CENPF: variants seen among roughly 807,000 people sequenced by gnomAD.
CENPF encodes centromere protein F, also known as AH antigen.
A neutral mutation model predicts 307.3 loss-of-function variants in CENPF; 214 were observed. The observed-to-expected ratio is 0.70, with a 90% CI of 0.62 to 0.78. The LOEUF (loss-of-function observed/expected upper bound fraction) is 0.78. Among genes scored for constraint, CENPF ranks in the 30% least tolerant of loss-of-function variants. The pLI is 0.00. For synonymous variants in CENPF, 1,259 were observed against 1,270.6 expected (o/e 0.99, Z 0.19); for missense variants, 3,401 against 3,483.9 (o/e 0.98, Z 0.60).
chr1:214,622,342 A>G, intron 7 of CENPF, 61 bp downstream of exon 7: 1 of 1,328,632 alleles, frequency 7.5e-7, no homozygotes, highest in Non-Finnish European at 1.1e-6. Flanking sequence ...TTATTTAGAA[A>G]GAGTATTTTA....
rs1658738652 is a variant in CENPF, at chr1:214,659,502, T to C, written c.9141+474T>C. Among the ~76,000 whole-genome samples, 1 of 152,052 alleles carries C rather than the reference T, an allele frequency of 6.6e-6. No homozygotes were observed. Among genetic ancestry groups the C allele is most frequent in the South Asian group, 2.1e-4 (1 of 4,818 alleles). On this transcript the variant is annotated intron_variant, in intron 19 of 19. Transcript: ENST00000366955. The surrounding 1 kb of genome is among the most constrained non-coding windows in gnomAD (Gnocchi z 4.4). ...TATCTAAGGAAAGGAACTCTGTTTA[T>C]AGATCTCTCTATTTTGATTGTTGAG...
At chr1:214,616,625 T>G (rs1657344563) in intron 3 of CENPF, among the ~76,000 whole-genome samples, 1 of 152,228 alleles carries the variant, frequency 6.6e-6, no homozygotes. Flanking sequence ...TTTTACTTAT[T>G]TCTCGGTGCT....
intron 11 of CENPF, 60 bp downstream of exon 11, chr1:214,638,061 T>A: frequency 6.8e-7 from 1 of 1,481,180 alleles, no homozygotes; most frequent in South Asian, 1.3e-5. Context: ...TGAGAGGGGA[T>A]GGATGGCATT....
intron 16 of CENPF, chr1:214,653,719 G>A (rs179813): frequency 0.44 from 66,793 of 151,904 alleles, 15,567 homozygotes; most frequent in East Asian, 0.84. Flanking sequence ...CAGAAAATTA[G>A]GTACAAATTT....
chr1:214,607,712 G>C (rs992525787), intron 1 of CENPF, among the ~76,000 whole-genome samples: 2 of 152,040 alleles, frequency 1.3e-5, no homozygotes, highest in Admixed American at 6.5e-5. Context: ...GCACTGGCCC[G>C]GGCGGTGCTC....
chr1:214,615,965 T>A (rs1236619902), intron 3 of CENPF, among the ~76,000 whole-genome samples: 1 of 151,968 alleles, frequency 6.6e-6, no homozygotes, highest in African/African-American at 2.4e-5. Context: ...AACTACTGAA[T>A]ATGGTTTTAA....
intron 5 of CENPF, among the ~76,000 whole-genome samples, chr1:214,619,760 G>A (rs1238956841): frequency 6.6e-6 from 1 of 152,170 alleles, no homozygotes; most frequent in African/African-American, 2.4e-5. Flanking sequence ...TACCTTAAAT[G>A]CTGAGAATGC....
intron 1 of CENPF, chr1:214,608,684 A>T: frequency 3.1e-6 from 5 of 1,596,910 alleles, no homozygotes; most frequent in Non-Finnish European, 2.5e-6. Flanking sequence ...AGGGTCCCCA[A>T]GGGGGCGGCC....
At chr1:214,610,485 T>A (rs1657168694) in intron 1 of CENPF, among the ~76,000 whole-genome samples, 1 of 152,150 alleles carries the variant, frequency 6.6e-6, no homozygotes, top group South Asian at 2.1e-4. Flanking sequence ...ATGTATTTTT[T>A]TTTTTTTTTT....
chr1:214,603,386 G>A (rs1183394835), intron 1 of CENPF, 65 bp downstream of exon 1: 1 of 153,304 alleles, frequency 6.5e-6, no homozygotes, highest in East Asian at 1.9e-4. Context: ...GGGCGGCGTG[G>A]GGGTGCCGCT....
chr1:214,648,247 A>G (rs114039605), intron 13 of CENPF, among the ~76,000 whole-genome samples: 16 of 152,284 alleles, frequency 1.1e-4, no homozygotes, highest in Non-Finnish European at 2.1e-4. Context: ...GGACAAATGC[A>G]AACAATAGCT....
Position 214,646,919 on chromosome 1 carries a change from T to C in CENPF, c.7349T>C (p.Leu2450Pro), listed in dbSNP as rs774339333. The C allele has an allele frequency of 6.2e-7, 1 of 1,613,924 alleles. No homozygotes were observed. Residue 2450 changes from leucine (L) to proline (P), a missense_variant, in exon 13 of 20, where the codon CTC becomes CCC. Coordinates refer to ENST00000366955, the MANE Select transcript of CENPF (RefSeq NM_016343.4). Reference protein sequence around the residue: ...MEMLQTQLKELNERVAALHND... With the variant: ...MEMLQTQLKEPNERVAALHND... ...ATGCTTCAAACACAATTAAAAGAGC[T>C]CAATGAGAGAGTGGCAGCCCTGCAT...
intron 9 of CENPF, among the ~76,000 whole-genome samples, chr1:214,631,542 C>T (rs1657808643): frequency 6.6e-6 from 1 of 152,208 alleles, no homozygotes; most frequent in South Asian, 2.1e-4. Context: ...CTCTGTCACC[C>T]AGGCTGGAGT....
chr1:214,642,374 G>A lies in CENPF; in HGVS notation c.4036G>A (p.Val1346Ile), dbSNP rs375735845. Residue 1346 changes from valine (V) to isoleucine (I), a missense_variant, in exon 12 of 20, where the codon GTT (valine) becomes ATT (isoleucine). Transcript: ENST00000366955. ...AGAGGTAGGGAAACTACTAAATGAA[G>A]TTAAAATATTAAATGATGACAGTGG... ...AEEVGKLLNE[V>I]KILNDDSGLL... The A allele has an allele frequency of 6.8e-6, 11 of 1,611,798 alleles. No individual in the cohort carries two copies. In the African/African-American group the frequency reaches 1.5e-4, roughly 22 times the overall value.
chr1:214,608,111 AC>A (rs1470380498), intron 1 of CENPF, among the ~76,000 whole-genome samples: 1 of 152,152 alleles, frequency 6.6e-6, no homozygotes, highest in African/African-American at 2.4e-5. Flanking sequence ...GTGTGGAAGG[AC>A]CGCCTGGCCA....
intron 1 of CENPF, among the ~76,000 whole-genome samples, chr1:214,607,999 C>G (rs551199373): frequency 6.6e-6 from 1 of 152,324 alleles, no homozygotes; most frequent in African/African-American, 2.4e-5. Flanking sequence ...CAGACACCAC[C>G]CACTCCCTCC....
chr1:214,657,494 C>G, intron 18 of CENPF, 85 bp downstream of exon 18: 1 of 1,016,464 alleles, frequency 9.8e-7, no homozygotes, highest in Non-Finnish European at 1.5e-6. Flanking sequence ...AAAGTATTTG[C>G]TTTTTTACAT....
rs772353749 is a variant in CENPF, at chr1:214,620,116, CAGAG to C, written c.574-535_574-532del. ...GTCTTGATATTTGTCAGAATGGAGGCAGAGAGAAGCATAGAAAGAACAATGCAAA... is the reference window on the plus strand; with the variant it reads ...GTCTTGATATTTGTCAGAATGGAGGCAGAAGCATAGAAAGAACAATGCAAA... On this transcript the variant is annotated intron_variant, in intron 5 of 19. Coordinates refer to ENST00000366955, the MANE Select transcript of CENPF (RefSeq NM_016343.4). Among the ~76,000 whole-genome samples, 15 of 152,104 alleles carry C rather than the reference CAGAG, an allele frequency of 9.9e-5. 1 individual carries two copies. The highest frequency in any genetic ancestry group is 1.3e-4 in the Non-Finnish European group (9 of 68,030).
At chr1:214,652,315 G>A (rs574160811) in intron 15 of CENPF, among the ~76,000 whole-genome samples, 32 of 151,814 alleles carry the variant, frequency 2.1e-4, no homozygotes, top group African/African-American at 5.8e-4. Context: ...GATTACAGGC[G>A]TGAGCCACTG....
Sources: gnomAD v4.1 joint callset for allele counts (sites outside exome capture counted in the v4.1 genomes callset) on GRCh38, gnomAD v4.1.1 for gene constraint, Gnocchi (gnomAD v3.1) non-coding constraint, MANE v1.5 for transcripts, NCBI Gene and HGNC (gene_info 2026-07-23, HGNC 2026-07-21) for gene names.